The following DHX38 variants were observed in gnomAD, a reference collection of about 807,000 sequenced individuals.
DHX38 encodes the protein DEAH-box helicase 38, also known as pre-mRNA-splicing factor ATP-dependent RNA helicase PRP16.
A neutral mutation model predicts 153.1 loss-of-function variants in DHX38; 100 were observed. The ratio of observed to expected loss-of-function variants is 0.65; its 90% CI spans 0.56 to 0.77. The LOEUF (loss-of-function observed/expected upper bound fraction) is 0.77, where lower values mean the gene tolerates loss of function less well. DHX38 is among the 30% of genes least tolerant of loss of function. The pLI is 0.00. For missense variants in DHX38, 1,440 were observed against 1,654.0 expected, an observed-to-expected ratio of 0.87 and a Z score of 2.24; for synonymous variants, 650 against 631.7, an observed-to-expected ratio of 1.03 and a Z score of -0.43.
chr16:72,107,769 C>G lies in DHX38; in HGVS notation c.2934C>G (p.Leu978=), dbSNP rs1214071823. ...AGATCCTGCTCATCGTTTCCATGCT[C>G]TCGGTCCCAGCCATCTTCTACAGGC... ...SSEILLIVSM[L]SVPAIFYRPK... Residue 978 remains leucine (L), a synonymous_variant, in exon 21 of 27, where the codon CTC becomes CTG. Coordinates refer to ENST00000268482, the MANE Select transcript of DHX38 (RefSeq NM_014003.4). The surrounding 1 kb of genome is among the most constrained non-coding windows in gnomAD (Gnocchi z 5.3). 6.2e-7 allele frequency: 1 copy of G among 1,614,024 alleles called. No homozygotes were observed. The highest frequency in any genetic ancestry group is 1.1e-5 in the South Asian group (1 of 91,080).
At chr16:72,099,183 C>A in intron 6 of DHX38, 21 bp from the exon 7 acceptor site, 1 of 1,602,724 alleles carries the variant, frequency 6.2e-7, no homozygotes, top group South Asian at 1.1e-5. Flanking sequence ...ATGGACTGAC[C>A]TGCTTCCTGT....
chr16:72,112,432 C>T lies in DHX38; in HGVS notation c.3619C>T (p.Pro1207Ser). Residue 1207 changes from proline (P) to serine (S), a missense_variant, in exon 27 of 27, where the codon CCA becomes TCA. Coordinates refer to ENST00000268482, the MANE Select transcript of DHX38 (RefSeq NM_014003.4). Reference sequence around the variant, plus strand: ...CTCCAGGTCTACGAAGATCTACACTCCAGGCCGGAAAGAGCAAGGGGAGCC... The same window carrying T: ...CTCCAGGTCTACGAAGATCTACACTTCAGGCCGGAAAGAGCAAGGGGAGCC... ...GSVRSTKIYT[P>S]GRKEQGEPMT... The T allele has an allele frequency of 6.2e-7, 1 of 1,610,406 alleles. No individual in the cohort carries two copies. The highest frequency in any genetic ancestry group is 1.3e-5 in the African/African-American group (1 of 75,032).
In DHX38 at chr16:72,110,993, TGGA is replaced by T. The variant is rs1567612875; in HGVS notation, c.3523_3525del (p.Glu1175del). On this transcript the variant is annotated inframe_deletion, in exon 26 of 27. Coordinates refer to ENST00000268482, the MANE Select transcript of DHX38 (RefSeq NM_014003.4). ...CGGGCCAAAGAGGAAGCCTCTGCCA[TGGA>T]GGAGGAGATGGCGCTGGCCGAGGAG... is the stretch of plus-strand genomic sequence containing the variant. The T allele has an allele frequency of 6.3e-7, 1 of 1,587,984 alleles. No individual in the cohort carries two copies. The highest frequency in any genetic ancestry group is 2.3e-5 in the East Asian group (1 of 43,748).
chr16:72,098,888 T>C, intron 5 of DHX38, 39 bp from the exon 6 acceptor site: 1 of 1,614,098 alleles, frequency 6.2e-7, no homozygotes, highest in Non-Finnish European at 8.5e-7. Context: ...GTGGCTTAGC[T>C]CAGTGACAGT....
chr16:72,102,756 G>C (rs551822875), intron 11 of DHX38, among the ~76,000 whole-genome samples: 1 of 152,316 alleles, frequency 6.6e-6, no homozygotes, highest in East Asian at 1.9e-4. Flanking sequence ...GTGACCTGGG[G>C]ATTGATTTCC....
At chr16:72,111,390 G>A (rs1272954053) in intron 26 of DHX38, among the ~76,000 whole-genome samples, 1 of 152,198 alleles carries the variant, frequency 6.6e-6, no homozygotes, top group East Asian at 1.9e-4. Flanking sequence ...TGCGCCTTGG[G>A]CTTCTGCGTC....
At position 72,099,597 on chromosome 16, in the gene DHX38, C is replaced by T. The variant is rs182062431; in HGVS notation, c.961-135C>T. The T allele has an allele frequency of 3.0e-3, 3,804 of 1,250,466 alleles. 18 individuals carry two copies. Among genetic ancestry groups the T allele is most frequent in the Middle Eastern group, 4.4e-3 (16 of 3,612 alleles). The allele number at this position is 1,250,466 out of a possible 1,614,324, so 77.5% of individuals were successfully genotyped here. A position where few individuals can be genotyped will look rare whatever the true frequency, so the allele number is the denominator to read the frequency against. ...AGATGGCATGTGTCTGCAGGGAGGC[C>T]TCTCCTGCACCCCTCACAAGGGTAG... is the stretch of plus-strand genomic sequence containing the variant. On this transcript the variant is annotated intron_variant, in intron 7 of 26. Transcript: ENST00000268482.
At position 72,105,298 on chromosome 16, in the gene DHX38, C is replaced by G; in HGVS notation, c.2329C>G (p.Pro777Ala). The part of the protein sequence containing the change: ...LENAPALAVL[P>A]IYSQLPSDLQ... ...GAACGCGCCTGCCCTGGCTGTGCTG[C>G]CCATCTACTCTCAGCTGCCTTCTGA... Residue 777 changes from proline (P) to alanine (A), a missense_variant, in exon 17 of 27, where the codon CCC (proline) becomes GCC (alanine). Transcript: ENST00000268482. 6.2e-7 allele frequency: 1 copy of G among 1,614,112 alleles called. No homozygotes were observed.
intron 13 of DHX38, 23 bp from the exon 14 acceptor site, chr16:72,103,923 T>C: frequency 3.7e-6 from 6 of 1,611,704 alleles, no homozygotes; most frequent in Non-Finnish European, 5.1e-6. Context: ...CCAGGGCATC[T>C]GAGCCATCTC....
At position 72,097,279 on chromosome 16, in the gene DHX38, G is replaced by C. The variant is rs945738262; in HGVS notation, c.511+270G>C. On this transcript the variant is annotated intron_variant, in intron 3 of 26. Transcript: ENST00000268482. ...GGAGATAATGGGTAAATATGTATAA[G>C]AGACCAGCATTTCTAATAGTATTGG... The C allele has an allele frequency of 9.6e-6, 4 of 414,532 alleles. No individual in the cohort carries two copies. The Admixed American group carries it at 1.6e-4, about 16-fold the overall frequency. 25.7% of individuals were successfully genotyped at this position (414,532 alleles called of 1,614,324 possible). A position where few individuals can be genotyped will look rare whatever the true frequency, so the allele number is the denominator to read the frequency against.
chr16:72,109,552 G>T (rs771384516), intron 25 of DHX38, 42 bp downstream of exon 25: 46 of 1,577,042 alleles, frequency 2.9e-5, no homozygotes, highest in Non-Finnish European at 3.8e-5. Context: ...GTTTGCCTGT[G>T]GGGTCGGTGT....
rs1415806169 is a variant in DHX38, at chr16:72,103,075, A to G, written c.1501A>G (p.Thr501Ala). 6.2e-7 allele frequency: 1 copy of G among 1,614,166 alleles called. No homozygotes were observed. Among genetic ancestry groups the G allele is most frequent in the South Asian group, 1.1e-5 (1 of 91,070 alleles). Reference protein sequence around the residue: ...VTEDGKVDYRTEQKFADHMKR... With the variant: ...VTEDGKVDYRAEQKFADHMKR... ...GTTTAGGCTGCTGTGTGTTCCTAGGACAGAGCAGAAGTTTGCAGATCACAT... is the reference window on the plus strand; with the variant it reads ...GTTTAGGCTGCTGTGTGTTCCTAGGGCAGAGCAGAAGTTTGCAGATCACAT... The change falls in exon 12 of 27, where the codon ACA becomes GCA. Residue 501 changes from threonine to alanine, a missense_variant and splice_region_variant. Physicochemically the swap from Thr to Ala is moderately conservative, Grantham distance 58. Around this residue, in one of 6 missense-constraint regions of DHX38, gnomAD observed 241 missense variants for 229.5 expected, o/e 1.05. Coordinates refer to ENST00000268482, the MANE Select transcript of DHX38 (RefSeq NM_014003.4).
Position 72,096,191 on chromosome 16 carries a change from C to G in DHX38, c.34C>G (p.Arg12Gly), listed in dbSNP as rs1253593221. The G allele has an allele frequency of 1.2e-6, 2 of 1,607,900 alleles. No individual in the cohort carries two copies. The highest frequency in any genetic ancestry group is 2.2e-5 in the East Asian group (1 of 44,692). ...CACCAGTGAGGATGCCTCGATCCAT[C>G]GATTGGAAGGCACTGATCTGGACTG... is the stretch of plus-strand genomic sequence containing the variant. ...GDTSEDASIHRLEGTDLDCQV... is the reference protein window; with the variant it reads ...GDTSEDASIHGLEGTDLDCQV... The change falls in exon 2 of 27, where the codon CGA (arginine) becomes GGA (glycine). Residue 12 changes from arginine to glycine, a missense_variant. Arg to Gly is a moderately radical substitution (Grantham distance 125, BLOSUM62 -2). Around this residue, in one of 6 missense-constraint regions of DHX38, gnomAD observed 483 missense variants for 465.1 expected, o/e 1.04. Coordinates refer to ENST00000268482, the MANE Select transcript of DHX38 (RefSeq NM_014003.4).
At position 72,112,443 on chromosome 16, in the gene DHX38, A is replaced by G. The variant is rs746452302; in HGVS notation, c.3630A>G (p.Lys1210=). 6.2e-7 allele frequency: 1 copy of G among 1,611,352 alleles called. No homozygotes were observed. The highest frequency in any genetic ancestry group is 1.6e-4 in the Middle Eastern group (1 of 6,062). Residue 1210 remains lysine (K), a synonymous_variant, in exon 27 of 27, where the codon AAA becomes AAG. Transcript: ENST00000268482. ...RSTKIYTPGR[K]EQGEPMTPRR... ...CGAAGATCTACACTCCAGGCCGGAA[A>G]GAGCAAGGGGAGCCCATGACCCCTC... is the stretch of plus-strand genomic sequence containing the variant.
At chr16:72,098,409 G>A (rs1347584232) in intron 4 of DHX38, among the ~76,000 whole-genome samples, 1 of 152,064 alleles carries the variant, frequency 6.6e-6, no homozygotes, top group Non-Finnish European at 1.5e-5. Flanking sequence ...CTCCAGCCTG[G>A]GCGACAGAGC....
chr16:72,107,479 C>G lies in DHX38; in HGVS notation c.2740C>G (p.Pro914Ala). The stretch of plus-strand genomic sequence containing the variant: ...CCTGCTGCAGTTCCACTTCATGGAC[C>G]CGCCCCCGGAGGACAACATGCTCAA... ...QDLLQFHFMD[P>A]PPEDNMLNSM... The change falls in exon 20 of 27, where the codon CCG becomes GCG. Residue 914 changes from proline (P) to alanine (A), a missense_variant. Transcript: ENST00000268482. This position sits in a 1 kb window ranked among gnomAD's most constrained non-coding sequence, Gnocchi z 5.3. 1 of 1,614,182 alleles carries G rather than the reference C, an allele frequency of 6.2e-7. No homozygotes were observed. The highest frequency in any genetic ancestry group is 8.5e-7 in the Non-Finnish European group (1 of 1,180,030).
chr16:72,107,324 G>T lies in DHX38; in HGVS notation c.2601-16G>T. On this transcript the variant is annotated splice_polypyrimidine_tract_variant and intron_variant, in intron 19 of 26. Coordinates refer to ENST00000268482, the MANE Select transcript of DHX38 (RefSeq NM_014003.4). This position sits in a 1 kb window ranked among gnomAD's most constrained non-coding sequence, Gnocchi z 5.3. ...GGTTTCCTTGTGGTGAGAAGATGGG[G>T]TCTTCTCCCCGGCAGGCTCTACACC... 1 of 1,597,174 alleles carries T rather than the reference G, an allele frequency of 6.3e-7. No individual in the cohort carries two copies.
At chr16:72,099,109 G>T in intron 6 of DHX38, 64 bp downstream of exon 6, 4 of 1,603,012 alleles carry the variant, frequency 2.5e-6, no homozygotes, top group Non-Finnish European at 3.4e-6. Flanking sequence ...ATGAGCAGGG[G>T]CTGCCCTTCT....
Position 72,103,956 on chromosome 16 carries a change from C to T in DHX38, c.1835C>T (p.Ala612Val). ...GGNLGEEVGY[A>V]IRFEDCTSEN... ...CTCTCTGACCTCCAGGTGGGCTATG[C>T]CATCCGCTTTGAAGACTGCACTTCA... The change falls in exon 14 of 27, where the codon GCC (alanine) becomes GTC (valine). Residue 612 changes from alanine (A) to valine (V), a missense_variant. By Grantham distance (64) the Ala-to-Val change is moderately conservative. Around this residue, in one of 6 missense-constraint regions of DHX38, gnomAD observed 241 missense variants for 229.5 expected, o/e 1.05. Coordinates refer to ENST00000268482, the MANE Select transcript of DHX38 (RefSeq NM_014003.4). 6.2e-7 allele frequency: 1 copy of T among 1,614,014 alleles called. No homozygotes were observed. Among genetic ancestry groups the T allele is most frequent in the East Asian group, 2.2e-5 (1 of 44,878 alleles).
Sources: allele counts gnomAD v4.1 joint callset (sites outside exome capture counted in the v4.1 genomes callset), GRCh38; gene constraint gnomAD v4.1.1; regional missense constraint gnomAD v4.1.1; non-coding constraint Gnocchi (gnomAD v3.1); transcripts MANE v1.5; gene names NCBI Gene and HGNC (gene_info 2026-07-23, HGNC 2026-07-21).